TLL1: variants seen among roughly 807,000 people sequenced by gnomAD.
TLL1 encodes the protein tolloid like 1.
Under a neutral mutation model 128.2 loss-of-function variants are expected in TLL1, and 49 were observed. That is an observed-to-expected ratio of 0.38 (90% CI 0.30 to 0.48). The LOEUF (loss-of-function observed/expected upper bound fraction) is 0.48, where lower values mean the gene tolerates loss of function less well. Ranked by LOEUF, TLL1 falls within the 20% of genes least tolerant of loss-of-function variation. The probability of loss-of-function intolerance (pLI) is 0.96; values close to 1 mark genes in which losing one functional copy is unlikely to be tolerated. For missense variants in TLL1, 1,123 were observed against 1,242.0 expected, an observed-to-expected ratio of 0.90 and a Z score of 1.44; for synonymous variants, 454 against 418.8, an observed-to-expected ratio of 1.08 and a Z score of -1.03.
At chr4:165,975,556 A>C (rs1207453445) in intron 1 of TLL1, among the ~76,000 whole-genome samples, 2 of 152,232 alleles carry the variant, frequency 1.3e-5, no homozygotes, top group Non-Finnish European at 1.5e-5. Flanking sequence ...TTATAAGGTG[A>C]ATATAACTTT....
chr4:165,873,562 G>A lies in TLL1; in HGVS notation c.-343G>A. 1 of 173,672 alleles carries A rather than the reference G, an allele frequency of 5.8e-6. No homozygotes were observed. Among genetic ancestry groups the A allele is most frequent in the Non-Finnish European group, 1.2e-5 (1 of 82,370 alleles). 10.8% of individuals were successfully genotyped at this position (173,672 alleles called of 1,614,324 possible). On this transcript the variant is annotated 5_prime_UTR_variant, in exon 1 of 21. Transcript: ENST00000061240. ...GCCGAGCCGCGGCCGCGGGAAGTTCGGCAGCCAGAAGGACGACCTGGCAGG... is the reference window on the plus strand; with the variant it reads ...GCCGAGCCGCGGCCGCGGGAAGTTCAGCAGCCAGAAGGACGACCTGGCAGG...
chr4:166,054,067 A>T (rs1310377348), intron 12 of TLL1, among the ~76,000 whole-genome samples: 2 of 152,150 alleles, frequency 1.3e-5, no homozygotes, highest in African/African-American at 4.8e-5. Context: ...ATAGGCCAAT[A>T]GTCTCACCTG....
chr4:166,069,121 T>C (rs772598711), intron 16 of TLL1, among the ~76,000 whole-genome samples: 1 of 151,830 alleles, frequency 6.6e-6, no homozygotes, highest in Non-Finnish European at 1.5e-5. Flanking sequence ...TTGCAAACAC[T>C]GCCTTATAGA....
chr4:165,966,496 A>G (rs1278226362), intron 1 of TLL1, among the ~76,000 whole-genome samples: 1 of 152,172 alleles, frequency 6.6e-6, no homozygotes, highest in East Asian at 1.9e-4. Context: ...ACTCTGAGAA[A>G]TCTTACCAGG....
chr4:166,081,200 A>G (rs1333467225), intron 18 of TLL1, among the ~76,000 whole-genome samples: 1 of 152,080 alleles, frequency 6.6e-6, no homozygotes, highest in East Asian at 1.9e-4. Flanking sequence ...CCCTAGGGGT[A>G]GTAGGTTTTG....
chr4:166,035,317 CCTTAT>C (rs1233477899), intron 9 of TLL1, among the ~76,000 whole-genome samples: 3 of 152,092 alleles, frequency 2.0e-5, no homozygotes, highest in Admixed American at 6.6e-5. Flanking sequence ...TGGAGTAATA[CCTTAT>C]TTTATATATT....
chr4:166,020,210 G>C (rs1738156418), intron 8 of TLL1, among the ~76,000 whole-genome samples: 1 of 152,184 alleles, frequency 6.6e-6, no homozygotes, highest in Non-Finnish European at 1.5e-5. Flanking sequence ...TCTGGACACT[G>C]CTTCCAAAAG....
chr4:165,969,276 A>G (rs1172092882), intron 1 of TLL1, among the ~76,000 whole-genome samples: 1 of 152,048 alleles, frequency 6.6e-6, no homozygotes, highest in Non-Finnish European at 1.5e-5. Flanking sequence ...ATCTTCAGTC[A>G]TTCATTTTAT....
chr4:166,101,086 G>A lies in TLL1; in HGVS notation c.*210G>A, dbSNP rs772296581. 8.8e-6 allele frequency: 5 copies of A among 565,826 alleles called. No homozygotes were observed. Among genetic ancestry groups the A allele is most frequent in the Non-Finnish European group, 1.5e-5 (5 of 327,506 alleles). 35.1% of individuals were successfully genotyped at this position (565,826 alleles called of 1,614,324 possible). A position where few individuals can be genotyped will look rare whatever the true frequency, so the allele number is the denominator to read the frequency against. ...GGATATTTGAACTCCATGCTTGATG[G>A]TATTAATAAAGCTGGTGAAAGGGCA... On this transcript the variant is annotated 3_prime_UTR_variant, in exon 21 of 21. Coordinates refer to ENST00000061240, the MANE Select transcript of TLL1 (RefSeq NM_012464.5).
chr4:166,030,303 C>T (rs112158823), intron 9 of TLL1: 103 of 394,276 alleles, frequency 2.6e-4, no homozygotes, highest in African/African-American at 1.9e-3. Flanking sequence ...ATTTGTATAT[C>T]GTCCTTGTAG....
intron 5 of TLL1, among the ~76,000 whole-genome samples, chr4:165,996,815 T>C (rs1052617786): frequency 6.7e-5 from 10 of 150,134 alleles, no homozygotes; most frequent in Non-Finnish European, 1.3e-4. Context: ...TATTAATATA[T>C]ACATATATAG....
chr4:166,070,387 G>A (rs1365779100), intron 16 of TLL1, among the ~76,000 whole-genome samples: 3 of 151,964 alleles, frequency 2.0e-5, no homozygotes, highest in East Asian at 1.9e-4. Context: ...TTTAATTATA[G>A]CATTTATTAT....
At chr4:165,992,969 T>C in intron 3 of TLL1, 85 bp downstream of exon 3, 1 of 1,125,254 alleles carries the variant, frequency 8.9e-7, no homozygotes, top group Non-Finnish European at 1.3e-6. Flanking sequence ...TTAAAATCAG[T>C]GTGCCATTAT....
chr4:166,051,114 G>A (rs1242327245), intron 12 of TLL1, among the ~76,000 whole-genome samples: 3 of 151,988 alleles, frequency 2.0e-5, no homozygotes, highest in African/African-American at 7.2e-5. Flanking sequence ...GTAAGAAATC[G>A]GCATCATCTT....
chr4:165,986,202 G>T (rs1441251162), intron 1 of TLL1, among the ~76,000 whole-genome samples: 1 of 151,882 alleles, frequency 6.6e-6, no homozygotes, highest in Non-Finnish European at 1.5e-5. Flanking sequence ...ATGTATTTTT[G>T]CACCTAAGTG....
chr4:166,097,788 C>T (rs1742091680), intron 19 of TLL1, among the ~76,000 whole-genome samples: 1 of 152,048 alleles, frequency 6.6e-6, no homozygotes, highest in Non-Finnish European at 1.5e-5. Flanking sequence ...CTTGGCTATC[C>T]AGTGGTTTTG....
At position 165,994,456 on chromosome 4, in the gene TLL1, C is replaced by T. The variant is rs1209388063; in HGVS notation, c.437C>T (p.Pro146Leu). The change falls in exon 4 of 21, where the codon CCC (proline) becomes CTC (leucine). Residue 146 changes from proline to leucine, a missense_variant. Coordinates refer to ENST00000061240, the MANE Select transcript of TLL1 (RefSeq NM_012464.5). ...GGGCAAAATGAGAAAAATCGAGTTC[C>T]CAGAGCCGCTACATCAAGAACGGAA... ...FSGQNEKNRV[P>L]RAATSRTERI... is the part of the protein sequence containing the mutation. 6.8e-6 allele frequency: 11 copies of T among 1,613,974 alleles called. No individual in the cohort carries two copies. The highest frequency in any genetic ancestry group is 9.3e-6 in the Non-Finnish European group (11 of 1,179,940).
intron 1 of TLL1, among the ~76,000 whole-genome samples, chr4:165,893,371 C>T (rs1205107270): frequency 2.0e-5 from 3 of 152,144 alleles, no homozygotes; most frequent in African/African-American, 7.2e-5. Context: ...TAAAGTGAGT[C>T]CTGTGAGTGC....
Position 165,923,371 on chromosome 4 carries a change from T to C in TLL1, c.169+49298T>C, listed in dbSNP as rs555703698. ...ATTCAAAGCTTTAAATAAAGTAATA[T>C]TGTAGTAATATGATATAAATAGGAA... On this transcript the variant is annotated intron_variant, in intron 1 of 20. Transcript: ENST00000061240. Among the ~76,000 whole-genome samples the C allele has an allele frequency of 2.9e-3, 430 of 150,354 alleles. 1 individual carries two copies. The highest frequency in any genetic ancestry group is 0.01 in the African/African-American group (415 of 41,000).
Sources: allele counts gnomAD v4.1 joint callset (sites outside exome capture counted in the v4.1 genomes callset), GRCh38; gene constraint gnomAD v4.1.1; transcripts MANE v1.5; gene names NCBI Gene and HGNC (gene_info 2026-07-23, HGNC 2026-07-21).